HSPA4: variants seen among roughly 807,000 people sequenced by gnomAD.
HSPA4 encodes heat shock protein family A (Hsp70) member 4.
Under a neutral mutation model 106.2 loss-of-function variants are expected in HSPA4, and 25 were observed. That is an observed-to-expected ratio of 0.24 (90% CI 0.17 to 0.33). The LOEUF is 0.33. HSPA4 is among the 10% of genes least tolerant of loss of function. HSPA4 has a pLI of 1.00. For missense variants in HSPA4, 841 were observed against 996.0 expected, an observed-to-expected ratio of 0.84 and a Z score of 2.10; for synonymous variants, 332 against 333.6, an observed-to-expected ratio of 1.00 and a Z score of 0.05.
chr5:133,081,912 T>G (rs1561581664), intron 7 of HSPA4, among the ~76,000 whole-genome samples: 2 of 152,186 alleles, frequency 1.3e-5, no homozygotes, highest in Non-Finnish European at 2.9e-5. Context: ...CATTCAGCAG[T>G]TGTATTTCTA....
At chr5:133,054,729 GTTTT>G (rs943593324) in intron 1 of HSPA4, among the ~76,000 whole-genome samples, 1 of 151,372 alleles carries the variant, frequency 6.6e-6, no homozygotes, top group Non-Finnish European at 1.5e-5. Context: ...GTGCCCTGAA[GTTTT>G]TTTTTAAGCA....
rs1461390820 is a variant in HSPA4, at chr5:133,081,727, ATG to A, written c.908+4831_908+4832del. ...TTGTGGGTGGTTTGTCTCTGCCTAT[ATG>A]TATTTTGAGGTTTGTGGGCATATTT... On this transcript the variant is annotated intron_variant, in intron 7 of 18. Coordinates refer to ENST00000304858, the MANE Select transcript of HSPA4 (RefSeq NM_002154.4). Among the ~76,000 whole-genome samples the A allele has an allele frequency of 2.0e-5, 3 of 152,174 alleles. No homozygotes were observed. The East Asian group carries it at 5.8e-4, about 29-fold the overall frequency.
At chr5:133,070,288 G>A in intron 3 of HSPA4, 86 bp from the exon 4 acceptor site, 1 of 1,323,822 alleles carries the variant, frequency 7.6e-7, no homozygotes, top group Non-Finnish European at 1.0e-6. Context: ...ATTGATAATG[G>A]GAAGCATTGT....
Position 133,094,112 on chromosome 5 carries a change from G to T in HSPA4, c.1650+1323G>T, listed in dbSNP as rs565976182. Among the ~76,000 whole-genome samples, 4 of 152,142 alleles carry T rather than the reference G, an allele frequency of 2.6e-5. No homozygotes were observed. In the South Asian group the frequency reaches 6.2e-4, roughly 24 times the overall value. On this transcript the variant is annotated intron_variant, in intron 13 of 18. Coordinates refer to ENST00000304858, the MANE Select transcript of HSPA4 (RefSeq NM_002154.4). ...ATCTTAAAAAGTTATTTTAAATAAT[G>T]GAATAATGGATTTAAATATATTTTG...
chr5:133,059,769 G>A lies in HSPA4; in HGVS notation c.108-5211G>A, dbSNP rs760266621. ...CTAATCCCATTTCTCAGAGAATATA[G>A]GATTATCAAGTGTAGGATGCTTAGC... On this transcript the variant is annotated intron_variant, in intron 1 of 18. Coordinates refer to ENST00000304858, the MANE Select transcript of HSPA4 (RefSeq NM_002154.4). Among the ~76,000 whole-genome samples, 54 of 152,136 alleles carry A rather than the reference G, an allele frequency of 3.5e-4. 1 individual carries two copies. The highest frequency in any genetic ancestry group is 5.7e-4 in the Non-Finnish European group (39 of 68,032).
intron 13 of HSPA4, among the ~76,000 whole-genome samples, chr5:133,093,648 G>T (rs541224832): frequency 6.6e-6 from 1 of 151,954 alleles, no homozygotes; most frequent in South Asian, 2.1e-4. Flanking sequence ...GCACCATCAC[G>T]CCCGGATAAT....
chr5:133,072,461 A>ATGATCT (rs1180610362), intron 4 of HSPA4, among the ~76,000 whole-genome samples: 1 of 131,758 alleles, frequency 7.6e-6, no homozygotes, highest in Non-Finnish European at 1.5e-5. Flanking sequence ...GTGCAGTGGC[A>ATGATCT]TGATCTTGGC....
At chr5:133,091,109 C>A in intron 11 of HSPA4, 84 bp from the exon 12 acceptor site, 1 of 1,119,674 alleles carries the variant, frequency 8.9e-7, no homozygotes, top group Non-Finnish European at 1.4e-6. Flanking sequence ...TGAAAGTAGA[C>A]ATAATCTAGC....
At chr5:133,054,835 A>C (rs773311148) in intron 1 of HSPA4, among the ~76,000 whole-genome samples, 7 of 152,138 alleles carry the variant, frequency 4.6e-5, no homozygotes, top group Non-Finnish European at 1.0e-4. Context: ...AGGAACTGAA[A>C]AGGCTAAAGC....
intron 7 of HSPA4, among the ~76,000 whole-genome samples, chr5:133,077,513 C>T (rs1765460495): frequency 6.6e-6 from 1 of 152,222 alleles, no homozygotes; most frequent in African/African-American, 2.4e-5. Flanking sequence ...ATGAGGATTA[C>T]AGGTGTGAGC....
chr5:133,063,775 G>A (rs527720305), intron 1 of HSPA4, among the ~76,000 whole-genome samples: 1 of 148,998 alleles, frequency 6.7e-6, no homozygotes, highest in South Asian at 2.1e-4. Context: ...TGTTTGTTTT[G>A]TTTTTGAGAT....
chr5:133,092,181 G>A (rs1218559591), intron 12 of HSPA4, among the ~76,000 whole-genome samples: 1 of 152,172 alleles, frequency 6.6e-6, no homozygotes, highest in Non-Finnish European at 1.5e-5. Context: ...AGAAGCCACT[G>A]GTTCAGGCTC....
intron 1 of HSPA4, among the ~76,000 whole-genome samples, chr5:133,062,012 C>T (rs922834612): frequency 9.2e-5 from 14 of 152,030 alleles, no homozygotes; most frequent in African/African-American, 3.4e-4. Context: ...CTAGAGAATA[C>T]GTGAAGGTAC....
At chr5:133,077,394 C>T (rs112303701) in intron 7 of HSPA4, among the ~76,000 whole-genome samples, 2,375 of 152,204 alleles carry the variant, frequency 0.016, 28 homozygotes, top group Middle Eastern at 0.037. Flanking sequence ...CCTGCCACCA[C>T]GCCCAGCTAA....
rs1299326490 is a variant in HSPA4 at position 133,096,008 on chromosome 5, A to G, written c.1651-90A>G. 9 of 1,164,738 alleles carry G rather than the reference A, an allele frequency of 7.7e-6. No homozygotes were observed. The Admixed American group carries it at 2.0e-4, about 26-fold the overall frequency. The allele number at this position is 1,164,738 out of a possible 1,614,324, so 72.2% of individuals were successfully genotyped here. A position where few individuals can be genotyped will look rare whatever the true frequency, so the allele number is the denominator to read the frequency against. On this transcript the variant is annotated intron_variant, in intron 13 of 18. Transcript: ENST00000304858. ...CATCATCAAAAGAGAACGAAGTAAA[A>G]AAAGCAAAAACAGTTTTCCAACATG...
intron 12 of HSPA4, 84 bp downstream of exon 12, chr5:133,091,458 C>T (rs1488909836): frequency 4.5e-5 from 47 of 1,034,406 alleles, no homozygotes; most frequent in Middle Eastern, 2.3e-4. Flanking sequence ...GTGGCAAGGC[C>T]GGAGCATTGT....
chr5:133,102,342 C>T (rs529491709), intron 17 of HSPA4, among the ~76,000 whole-genome samples: 3 of 152,240 alleles, frequency 2.0e-5, no homozygotes, highest in South Asian at 2.1e-4. Flanking sequence ...TGTTTTATAG[C>T]GTCTTAATAA....
chr5:133,088,678 C>A, intron 9 of HSPA4, 123 bp downstream of exon 9: 1 of 768,374 alleles, frequency 1.3e-6, no homozygotes, highest in Non-Finnish European at 2.2e-6. Flanking sequence ...ATTCCAAAAC[C>A]TTTGTTTTAA....
intron 7 of HSPA4, among the ~76,000 whole-genome samples, chr5:133,082,864 G>A (rs1212700574): frequency 6.6e-6 from 1 of 152,090 alleles, no homozygotes; most frequent in Non-Finnish European, 1.5e-5. Flanking sequence ...GTCCAGGCAT[G>A]GTGGCTCACG....
Sources: allele counts gnomAD v4.1 joint callset (sites outside exome capture counted in the v4.1 genomes callset), GRCh38; gene constraint gnomAD v4.1.1; transcripts MANE v1.5; gene names NCBI Gene and HGNC (gene_info 2026-07-23, HGNC 2026-07-21).